The following RHOA variants were observed in gnomAD, a reference collection of about 807,000 sequenced individuals.
RHOA encodes the protein transforming protein RhoA.
Under a neutral mutation model 17.5 loss-of-function variants are expected in RHOA, and 3 were observed. The observed-to-expected ratio is 0.17, with a 90% CI of 0.08 to 0.44. RHOA has a LOEUF of 0.44. RHOA is among the 20% of genes least tolerant of loss of function. The pLI is 0.99. For synonymous variants in RHOA, 98 were observed against 88.4 expected (o/e 1.11, Z -0.61); for missense variants, 56 against 242.3 (o/e 0.23, Z 5.10).
chr3:49,399,054 C>CAA (rs10530558), intron 1 of RHOA, among the ~76,000 whole-genome samples: 328 of 24,828 alleles, frequency 0.013, 51 homozygotes, highest in Middle Eastern at 0.036. Flanking sequence ...GACTCCGTCT[C>CAA]AAAAAAAAAA....
chr3:49,367,342 C>CAAAAAAA lies in RHOA; in HGVS notation c.277+1079_277+1085dup, dbSNP rs62926260. Among the ~76,000 whole-genome samples the CAAAAAAA allele has an allele frequency of 7.2e-3, 580 of 80,320 alleles. 1 individual carries two copies. Among genetic ancestry groups the CAAAAAAA allele is most frequent in the Non-Finnish European group, 9.1e-3 (400 of 43,862 alleles). 52.7% of individuals were successfully genotyped at this position (80,320 alleles called of 152,430 possible). ...TGGGAGACAGAGCAAGACTCCCTCT[C>CAAAAAAA]AAAAAAAAAAAAAAAAAAAAAAAAG... On this transcript the variant is annotated intron_variant, in intron 3 of 4. Transcript: ENST00000418115.
intron 4 of RHOA, among the ~76,000 whole-genome samples, 172 bp from the exon 5 acceptor site, chr3:49,360,554 A>G (rs1224780171): frequency 6.6e-6 from 1 of 151,642 alleles, no homozygotes; most frequent in East Asian, 2.0e-4. Flanking sequence ...TGCAACCTCC[A>G]CCTCCTGGGT....
In RHOA at chr3:49,389,863, G is replaced by A. The variant is rs551987758; in HGVS notation, c.-2-14272C>T. Among the ~76,000 whole-genome samples the A allele has an allele frequency of 4.7e-5, 7 of 148,978 alleles. No individual in the cohort carries two copies. In the East Asian group the frequency reaches 1.4e-3, roughly 30 times the overall value. ...GAGGCAGAAAAATGGCATGAACCCA[G>A]GAGGTGGAGCTTGCAGTGAGCCGAG... On this transcript the variant is annotated intron_variant, in intron 1 of 4. Coordinates refer to ENST00000418115, the MANE Select transcript of RHOA (RefSeq NM_001664.4).
intron 1 of RHOA, among the ~76,000 whole-genome samples, chr3:49,382,300 CAGAG>C (rs1309896152): frequency 6.6e-6 from 1 of 151,302 alleles, no homozygotes; most frequent in South Asian, 2.1e-4. Flanking sequence ...GCCTGGGTGA[CAGAG>C]AGAGACTCCG....
At chr3:49,391,804 C>CCTGA (rs2048514631) in intron 1 of RHOA, among the ~76,000 whole-genome samples, 1 of 150,706 alleles carries the variant, frequency 6.6e-6, no homozygotes, top group Non-Finnish European at 1.5e-5. Context: ...AGCCACTGTG[C>CCTGA]CCGGCCTAAT....
intron 1 of RHOA, 44 bp from the exon 2 acceptor site, chr3:49,375,635 C>G (rs2048213876): frequency 6.3e-7 from 1 of 1,590,796 alleles, no homozygotes; most frequent in Non-Finnish European, 8.6e-7. Context: ...CACAAGAAGT[C>G]ATAGGTAGCT....
At chr3:49,375,262 A>G (rs901539656) in intron 2 of RHOA, among the ~76,000 whole-genome samples, 172 bp downstream of exon 2, 5 of 147,600 alleles carry the variant, frequency 3.4e-5, no homozygotes, top group African/African-American at 1.2e-4. Context: ...TCCGTCTCCA[A>G]AAAAAAAAAA....
At chr3:49,397,820 ATAAG>A (rs1238694688) in intron 1 of RHOA, among the ~76,000 whole-genome samples, 29 of 152,208 alleles carry the variant, frequency 1.9e-4, no homozygotes, top group African/African-American at 6.3e-4. Context: ...GAATAGAAAA[ATAAG>A]TAAGAAGCAA....
At chr3:49,408,190 A>G (rs754160456) in intron 1 of RHOA, among the ~76,000 whole-genome samples, 4 of 151,684 alleles carry the variant, frequency 2.6e-5, no homozygotes, top group Non-Finnish European at 5.9e-5. Flanking sequence ...ATATATATAT[A>G]CACACACACA....
intron 1 of RHOA, among the ~76,000 whole-genome samples, chr3:49,381,401 G>A (rs888835466): frequency 5.3e-5 from 7 of 132,254 alleles, no homozygotes; most frequent in East Asian, 4.0e-4. Flanking sequence ...GAAAAACCCC[G>A]TCTCAAAAAA....
At position 49,390,989 on chromosome 3, in the gene RHOA, C is replaced by A. The variant is rs545691657; in HGVS notation, c.-2-15398G>T. Among the ~76,000 whole-genome samples the A allele has an allele frequency of 3.3e-5, 5 of 151,902 alleles. No individual in the cohort carries two copies. In the South Asian group the frequency reaches 1.0e-3, roughly 32 times the overall value. ...ATCCCAGCACTTTGGGAGGCTGAGG[C>A]AGGAGGATCACGAGGTCAGGAGATC... On this transcript the variant is annotated intron_variant, in intron 1 of 4. Transcript: ENST00000418115.
intron 1 of RHOA, among the ~76,000 whole-genome samples, chr3:49,390,440 A>AT (rs1433675321): frequency 6.6e-6 from 1 of 151,756 alleles, no homozygotes; most frequent in Non-Finnish European, 1.5e-5. Context: ...TAATTTTTGT[A>AT]TTTTTTGTAG....
chr3:49,387,300 C>T (rs1296069186), intron 1 of RHOA, among the ~76,000 whole-genome samples: 1 of 150,024 alleles, frequency 6.7e-6, no homozygotes, highest in Non-Finnish European at 1.5e-5. Context: ...AAAAATTAGC[C>T]AGGCATGGTG....
intron 1 of RHOA, among the ~76,000 whole-genome samples, chr3:49,382,492 T>C (rs1305387573): frequency 2.0e-5 from 3 of 151,766 alleles, no homozygotes; most frequent in African/African-American, 4.8e-5. Context: ...AAAAATTAGC[T>C]GGCTGTGGTG....
At chr3:49,397,493 CAA>C (rs1252153758) in intron 1 of RHOA, among the ~76,000 whole-genome samples, 7 of 152,018 alleles carry the variant, frequency 4.6e-5, no homozygotes, top group East Asian at 3.9e-4. Flanking sequence ...AAATTGTTAC[CAA>C]AAGAGTTGGT....
chr3:49,384,384 C>T (rs576313541), intron 1 of RHOA, among the ~76,000 whole-genome samples: 2 of 152,272 alleles, frequency 1.3e-5, no homozygotes, highest in South Asian at 4.1e-4. Context: ...GTGTCATTTT[C>T]CAGGCTAGGT....
intron 1 of RHOA, among the ~76,000 whole-genome samples, chr3:49,405,984 C>T (rs917125043): frequency 1.3e-5 from 2 of 152,170 alleles, no homozygotes; most frequent in African/African-American, 4.8e-5. Flanking sequence ...CATACGCAGC[C>T]TGCCTTCTGT....
At chr3:49,406,938 A>G (rs2048840778) in intron 1 of RHOA, 1 of 152,102 alleles carries the variant, frequency 6.6e-6, no homozygotes, top group South Asian at 2.1e-4. Context: ...AGGTCAAGAG[A>G]TCAAGGCCAT....
chr3:49,391,234 A>G (rs2048499768), intron 1 of RHOA, among the ~76,000 whole-genome samples: 2 of 148,376 alleles, frequency 1.3e-5, no homozygotes, highest in African/African-American at 2.5e-5. Context: ...AAAAAAAGAA[A>G]TACAAAAATT....
Sources: gnomAD v4.1 joint callset for allele counts (sites outside exome capture counted in the v4.1 genomes callset) on GRCh38, gnomAD v4.1.1 for gene constraint, MANE v1.5 for transcripts, NCBI Gene and HGNC (gene_info 2026-07-23, HGNC 2026-07-21) for gene names.